The following LIMS2 variants were observed in gnomAD, a reference collection of about 807,000 sequenced individuals.
The protein encoded by LIMS2 is LIM and senescent cell antigen-like-containing domain protein 2.
A neutral mutation model predicts 45.3 loss-of-function variants in LIMS2; 30 were observed. The observed-to-expected ratio is 0.66, with a 90% CI of 0.50 to 0.90. LIMS2 has a LOEUF of 0.90. LIMS2 is among the 40% of genes least tolerant of loss of function. LIMS2 has a pLI of 0.00. For missense variants in LIMS2, 485 were observed against 468.7 expected, an observed-to-expected ratio of 1.03 and a Z score of -0.32; for synonymous variants, 173 against 188.0, an observed-to-expected ratio of 0.92 and a Z score of 0.65.
chr2:127,643,044 C>T lies in LIMS2; in HGVS notation c.388G>A (p.Glu130Lys). 1 of 1,585,260 alleles carries T rather than the reference C, an allele frequency of 6.3e-7. No homozygotes were observed. The highest frequency in any genetic ancestry group is 8.6e-7 in the Non-Finnish European group (1 of 1,166,440). ...TACTTGCCCAGGCCCTTGGCCTTCTCACGGTTGTGGCAAGGCCGGCAGAGA... is the reference window on the plus strand; with the variant it reads ...TACTTGCCCAGGCCCTTGGCCTTCTTACGGTTGTGGCAAGGCCGGCAGAGA... ...RHLCRPCHNR[E>K]KAKGLGKYIC... Residue 130 changes from glutamate to lysine, a missense_variant, in exon 5 of 10, where the codon GAG (glutamate) becomes AAG (lysine). Transcript: ENST00000355119.
At chr2:127,675,646 C>T (rs538387913), upstream of LIMS2, among the ~76,000 whole-genome samples, 149 of 152,296 alleles carry the variant, frequency 9.8e-4, no homozygotes, top group Non-Finnish European at 1.4e-3. Context: ...CCTCTGCAGT[C>T]CCTGGGCCGC....
Position 127,638,924 on chromosome 2 carries a change from G to A in LIMS2, c.*357C>T, listed in dbSNP as rs1324334139. ...GGCAGGGGCTCTCACAGGACAGCAT[G>A]AGCCACTGAGCCGCCTGGGGAGGGC... On this transcript the variant is annotated 3_prime_UTR_variant, in exon 10 of 10. Coordinates refer to ENST00000355119, the MANE Select transcript of LIMS2 (RefSeq NM_001161403.3). 7.3e-6 allele frequency: 2 copies of A among 272,754 alleles called. No individual in the cohort carries two copies. The highest frequency in any genetic ancestry group is 7.1e-6 in the Non-Finnish European group (1 of 140,962). The allele number at this position is 272,754 out of a possible 1,614,324, so 16.9% of individuals were successfully genotyped here.
intron 4 of LIMS2, chr2:127,649,940 A>C (rs1287898600): frequency 3.1e-6 from 4 of 1,287,652 alleles, no homozygotes; most frequent in Non-Finnish European, 4.4e-6. Context: ...ACTCTGGGAG[A>C]GAAAATACTC....
intron 4 of LIMS2, chr2:127,643,553 G>C (rs1422052219): frequency 2.2e-6 from 1 of 456,672 alleles, no homozygotes; most frequent in Admixed American, 2.3e-5. Context: ...GGCGATTTCT[G>C]TCTCCAAAGA....
Position 127,664,994 on chromosome 2 carries a change from G to A in LIMS2, c.12-7432C>T, listed in dbSNP as rs540412812. ...CAACAAATGGTCAGGCACCCCAAAA[G>A]AGGTCCTTATTTTAGAGAAAAGGCA... is the stretch of plus-strand genomic sequence containing the variant. On this transcript the variant is annotated intron_variant, in intron 1 of 9. Coordinates refer to ENST00000355119, the MANE Select transcript of LIMS2 (RefSeq NM_001161403.3). This position sits in a 1 kb window ranked among gnomAD's most constrained non-coding sequence, Gnocchi z 5.5. Among the ~76,000 whole-genome samples the A allele has an allele frequency of 4.6e-5, 7 of 152,340 alleles. No homozygotes were observed. The highest frequency in any genetic ancestry group is 1.7e-4 in the African/African-American group (7 of 41,576).
Position 127,657,384 on chromosome 2 carries a change from C to T in LIMS2, c.171+19G>A. On this transcript the variant is annotated intron_variant, in intron 2 of 9. Transcript: ENST00000355119. The stretch of plus-strand genomic sequence containing the variant: ...AGACTCCGAGCTGGGTCTGAGAAAG[C>T]CCTCAGTAGTGTCCTCACCTCATAG... The T allele has an allele frequency of 1.9e-6, 3 of 1,613,532 alleles. No homozygotes were observed. Among genetic ancestry groups the T allele is most frequent in the Non-Finnish European group, 1.7e-6 (2 of 1,179,926 alleles).
In LIMS2 at chr2:127,680,904, T is replaced by C. The variant is rs565035441; in HGVS notation, c.-5+416A>G. On this transcript the variant is annotated intron_variant, in intron 1 of 9. Coordinates refer to the LIMS2 transcript ENST00000410011. ...CCTCAACACATCATGCCGTCGAGTATCCAGCAAGAAGCCTCCTGGGCGCAG... is the reference window on the plus strand; with the variant it reads ...CCTCAACACATCATGCCGTCGAGTACCCAGCAAGAAGCCTCCTGGGCGCAG... Among the ~76,000 whole-genome samples the C allele has an allele frequency of 1.1e-4, 16 of 152,250 alleles. No homozygotes were observed. In the South Asian group the frequency reaches 1.2e-3, roughly 12 times the overall value.
rs146422285 is a variant in LIMS2, at chr2:127,640,897, T to C, written c.752A>G (p.Gln251Arg). Reference sequence around the variant, plus strand: ...CTGAAGGTTCTGCACCGGGCTCACCTGGTTGTAGTGAGTCTCGCAGTAGGC... The same window carrying C: ...CTGAAGGTTCTGCACCGGGCTCACCCGGTTGTAGTGAGTCTCGCAGTAGGC... ...GLAYCETHYN[Q>R]LFGDVCYNCS... Residue 251 changes from glutamine (Q) to arginine (R), a missense_variant and splice_region_variant, in exon 7 of 10, where the codon CAG becomes CGG. Gln to Arg is a conservative substitution (Grantham distance 43). Transcript: ENST00000355119. 930 of 1,613,230 alleles carry C rather than the reference T, an allele frequency of 5.8e-4. No individual in the cohort carries two copies. Among genetic ancestry groups the C allele is most frequent in the Non-Finnish European group, 7.0e-4 (823 of 1,179,480 alleles).
intron 4 of LIMS2, chr2:127,650,140 C>T: frequency 7.0e-7 from 1 of 1,422,354 alleles, no homozygotes; most frequent in Non-Finnish European, 9.7e-7. Flanking sequence ...CTGGGGGCAC[C>T]CTCCTAAGTG....
chr2:127,640,630 G>A (rs1682310037), intron 7 of LIMS2: 2 of 597,776 alleles, frequency 3.3e-6, no homozygotes, highest in African/African-American at 1.9e-5. Flanking sequence ...CCAGAGCAAG[G>A]GAGGGAGGGG....
chr2:127,639,389 C>T lies in LIMS2; in HGVS notation c.918G>A (p.Lys306=). 1 of 1,613,938 alleles carries T rather than the reference C, an allele frequency of 6.2e-7. No individual in the cohort carries two copies. The highest frequency in any genetic ancestry group is 8.5e-7 in the Non-Finnish European group (1 of 1,179,904). The change falls in exon 10 of 10, where the codon AAG becomes AAA. Residue 306 remains lysine (K), a synonymous_variant. Coordinates refer to ENST00000355119, the MANE Select transcript of LIMS2 (RefSeq NM_001161403.3). ...FVEFDMKPVC[K]RCYEKFPLEL... is the part of the protein sequence containing the mutation. ...CCAGCGGGAACTTCTCGTAGCACCT[C>T]TTACACACGGGCTTCATGTCGAACT...
In LIMS2 at chr2:127,647,634, G is replaced by A. The variant is rs1422710137; in HGVS notation, c.360-4562C>T. Among the ~76,000 whole-genome samples the A allele has an allele frequency of 6.6e-6, 1 of 152,014 alleles. No homozygotes were observed. The highest frequency in any genetic ancestry group is 1.5e-5 in the Non-Finnish European group (1 of 67,980). On this transcript the variant is annotated intron_variant, in intron 4 of 9. Coordinates refer to ENST00000355119, the MANE Select transcript of LIMS2 (RefSeq NM_001161403.3). This position sits in a 1 kb window ranked among gnomAD's most constrained non-coding sequence, Gnocchi z 4.3. ...TTCCCACCCCCAGGTTCTAACAAGG[G>A]CCCCTCACTCACTGGGCCCCCTCTC... is the stretch of plus-strand genomic sequence containing the variant.
intron 1 of LIMS2, among the ~76,000 whole-genome samples, chr2:127,661,050 G>A (rs1040117660): frequency 2.6e-5 from 4 of 152,198 alleles, no homozygotes; most frequent in African/African-American, 4.8e-5. Context: ...GAGCAAAGAC[G>A]GGACAGACAG....
In LIMS2 at chr2:127,667,032, C is replaced by T; in HGVS notation, c.11+7982G>A. 6.6e-6 allele frequency among the ~76,000 whole-genome samples: 1 copy of T among 152,228 alleles called. No individual in the cohort carries two copies. Among genetic ancestry groups the T allele is most frequent in the East Asian group, 1.9e-4 (1 of 5,202 alleles). On this transcript the variant is annotated intron_variant, in intron 1 of 9. Coordinates refer to ENST00000355119, the MANE Select transcript of LIMS2 (RefSeq NM_001161403.3). This position sits in a 1 kb window ranked among gnomAD's most constrained non-coding sequence, Gnocchi z 4.1. Reference sequence around the variant, plus strand: ...CCAGTAACATGTAAAGAGACTGAGACAGTAACCAAAAAACTTGTCACAAAG... The same window carrying T: ...CCAGTAACATGTAAAGAGACTGAGATAGTAACCAAAAAACTTGTCACAAAG...
rs1685320975 is a variant in LIMS2 at position 127,672,645 on chromosome 2, G to C, written c.11+2369C>G. Among the ~76,000 whole-genome samples the C allele has an allele frequency of 6.6e-6, 1 of 152,182 alleles. No individual in the cohort carries two copies. The highest frequency in any genetic ancestry group is 1.5e-5 in the Non-Finnish European group (1 of 68,034). ...CCTCCACCCGCTCAGCCACCCAGGA[G>C]AGGCCTCCCTAGTGGCTGCCTTCTG... is the stretch of plus-strand genomic sequence containing the variant. On this transcript the variant is annotated intron_variant, in intron 1 of 9. Coordinates refer to ENST00000355119, the MANE Select transcript of LIMS2 (RefSeq NM_001161403.3). The surrounding 1 kb of genome is among the most constrained non-coding windows in gnomAD (Gnocchi z 4.9).
chr2:127,639,085 G>A lies in LIMS2; in HGVS notation c.*196C>T, dbSNP rs1347228808. ...ACTCCCCAGCTCCTGCCTCCTCACAGACAGAAGCCACGGCCAAGGAGAGGA... is the reference window on the plus strand; with the variant it reads ...ACTCCCCAGCTCCTGCCTCCTCACAAACAGAAGCCACGGCCAAGGAGAGGA... On this transcript the variant is annotated 3_prime_UTR_variant, in exon 10 of 10. Transcript: ENST00000355119. 1.6e-6 allele frequency: 1 copy of A among 621,172 alleles called. No individual in the cohort carries two copies. The allele number at this position is 621,172 out of a possible 1,614,324, so 38.5% of individuals were successfully genotyped here.
chr2:127,653,708 A>G lies in LIMS2; in HGVS notation c.359+716T>C, dbSNP rs1239207487. On this transcript the variant is annotated intron_variant, in intron 4 of 9. Transcript: ENST00000355119. This position sits in a 1 kb window ranked among gnomAD's most constrained non-coding sequence, Gnocchi z 5.3. ...TCAGCAGCTGTGGTGAGGGCTGCTG[A>G]GGGGTCAAGAGGAGGTGTGGGTCCC... Among the ~76,000 whole-genome samples, 1 of 151,860 alleles carries G rather than the reference A, an allele frequency of 6.6e-6. No individual in the cohort carries two copies. The highest frequency in any genetic ancestry group is 1.9e-4 in the East Asian group (1 of 5,168).
rs1429371980 is a variant in LIMS2 at position 127,667,191 on chromosome 2, T to A, written c.11+7823A>T. ...CTATAATCCCAGCTACTCAGGAGGC[T>A]GAGGCAGGAGAATCACTTGAACCTG... On this transcript the variant is annotated intron_variant, in intron 1 of 9. Transcript: ENST00000355119. The surrounding 1 kb of genome is among the most constrained non-coding windows in gnomAD (Gnocchi z 4.1). Among the ~76,000 whole-genome samples, 1 of 152,198 alleles carries A rather than the reference T, an allele frequency of 6.6e-6. No homozygotes were observed. Among genetic ancestry groups the A allele is most frequent in the Non-Finnish European group, 1.5e-5 (1 of 68,048 alleles).
rs377539811 is a variant in LIMS2 at position 127,640,328 on chromosome 2, G to A, written c.754-10C>T. 27 of 1,612,156 alleles carry A rather than the reference G, an allele frequency of 1.7e-5. No individual in the cohort carries two copies. In the African/African-American group the frequency reaches 1.9e-4, roughly 11 times the overall value. On this transcript the variant is annotated splice_polypyrimidine_tract_variant and intron_variant, in intron 7 of 9. Coordinates refer to ENST00000355119, the MANE Select transcript of LIMS2 (RefSeq NM_001161403.3). ...AGACGTCCCCGAAGAGCTGTGGGCC[G>A]AGCAGGCTGTCAGAGTAGCTGCAGG...
Sources: gnomAD v4.1 joint callset for allele counts (sites outside exome capture counted in the v4.1 genomes callset) on GRCh38, gnomAD v4.1.1 for gene constraint, Gnocchi (gnomAD v3.1) non-coding constraint, MANE v1.5 for transcripts, NCBI Gene and HGNC (gene_info 2026-07-23, HGNC 2026-07-21) for gene names.